The following RAD54L2 variants were observed in gnomAD, a reference collection of about 807,000 sequenced individuals.
The protein encoded by RAD54L2 is RAD54 like 2.
In RAD54L2, 27 loss-of-function variants were observed where a neutral mutation model predicts 138.4. That is an observed-to-expected ratio of 0.20 (90% CI 0.14 to 0.27). The LOEUF is 0.27. Among genes scored for constraint, RAD54L2 ranks in the 10% least tolerant of loss-of-function variants. The pLI is 1.00. For missense variants in RAD54L2, 1,396 were observed against 1,890.2 expected, an observed-to-expected ratio of 0.74 and a Z score of 4.85; for synonymous variants, 644 against 723.2, an observed-to-expected ratio of 0.89 and a Z score of 1.76.
chr3:51,577,053 C>G (rs1699496369), intron 2 of RAD54L2, among the ~76,000 whole-genome samples: 1 of 152,182 alleles, frequency 6.6e-6, no homozygotes, highest in South Asian at 2.1e-4. Flanking sequence ...TGTCTTTGCT[C>G]TCATTGGTTT....
Position 51,638,444 on chromosome 3 carries a change from C to T in RAD54L2, c.1860+123C>T, listed in dbSNP as rs1701044787. On this transcript the variant is annotated intron_variant, in intron 12 of 22. Coordinates refer to ENST00000684192, the MANE Select transcript of RAD54L2 (RefSeq NM_015106.4). The surrounding 1 kb of genome is among the most constrained non-coding windows in gnomAD (Gnocchi z 4.3). ...AAAGTGAGAGGGGGCCACCTCAGTT[C>T]ACTGCACTGGAGGTTTGGGGGCTCC... 8.5e-7 allele frequency: 1 copy of T among 1,177,930 alleles called. No homozygotes were observed. The highest frequency in any genetic ancestry group is 1.2e-6 in the Non-Finnish European group (1 of 835,164). 73.0% of individuals were successfully genotyped at this position (1,177,930 alleles called of 1,614,324 possible).
chr3:51,650,057 C>G (rs888996541), intron 19 of RAD54L2, among the ~76,000 whole-genome samples: 3 of 148,280 alleles, frequency 2.0e-5, no homozygotes, highest in African/African-American at 7.3e-5. Context: ...CGTGCAGAGA[C>G]ACACAGAAGC....
chr3:51,608,494 G>A (rs2106752667), intron 3 of RAD54L2, among the ~76,000 whole-genome samples: 1 of 152,326 alleles, frequency 6.6e-6, no homozygotes, highest in East Asian at 1.9e-4. Flanking sequence ...GGTGGAGGTT[G>A]TAGCGAGCGG....
intron 2 of RAD54L2, among the ~76,000 whole-genome samples, chr3:51,554,006 C>G (rs1356523485): frequency 6.6e-6 from 1 of 152,162 alleles, no homozygotes; most frequent in African/African-American, 2.4e-5. Context: ...TGGGTCTTGC[C>G]TAGACATTGA....
At chr3:51,562,146 G>T (rs1319023151) in intron 2 of RAD54L2, among the ~76,000 whole-genome samples, 1 of 145,082 alleles carries the variant, frequency 6.9e-6, no homozygotes. Context: ...AGCGATTATC[G>T]TGCCTCAGCC....
At chr3:51,644,417 C>T (rs1701218829) in intron 16 of RAD54L2, among the ~76,000 whole-genome samples, 1 of 152,112 alleles carries the variant, frequency 6.6e-6, no homozygotes, top group Non-Finnish European at 1.5e-5. Flanking sequence ...TGCAATCCAG[C>T]CTAAGCGACA....
At chr3:51,618,105 C>T (rs1010538040) in intron 3 of RAD54L2, among the ~76,000 whole-genome samples, 1 of 150,738 alleles carries the variant, frequency 6.6e-6, no homozygotes, top group Non-Finnish European at 1.5e-5. Context: ...ACTACAGGCA[C>T]GTGCCACCAT....
At chr3:51,560,452 T>C (rs890233317) in intron 2 of RAD54L2, among the ~76,000 whole-genome samples, 2 of 151,542 alleles carry the variant, frequency 1.3e-5, no homozygotes, top group Admixed American at 6.6e-5. Flanking sequence ...CTCCGCCTCC[T>C]GGGATCACGC....
chr3:51,648,401 T>G (rs1285693066), intron 19 of RAD54L2, among the ~76,000 whole-genome samples: 3 of 152,242 alleles, frequency 2.0e-5, no homozygotes, highest in Non-Finnish European at 2.9e-5. Context: ...CAGAAACTTC[T>G]GCAGACTTAA....
rs183133871 is a variant in RAD54L2 at position 51,613,183 on chromosome 3, C to G, written c.140-14370C>G. On this transcript the variant is annotated intron_variant, in intron 3 of 22. Coordinates refer to ENST00000684192, the MANE Select transcript of RAD54L2 (RefSeq NM_015106.4). Reference sequence around the variant, plus strand: ...TCTCCATCTGACCTTGTGATCCACCCGCCTCGGCCTCCCAAAATGCTGGGA... The same window carrying G: ...TCTCCATCTGACCTTGTGATCCACCGGCCTCGGCCTCCCAAAATGCTGGGA... 3.3e-3 allele frequency among the ~76,000 whole-genome samples: 502 copies of G among 152,116 alleles called. 7 individuals carry two copies. The highest frequency in any genetic ancestry group is 0.011 in the African/African-American group (454 of 41,508).
chr3:51,541,585 G>A lies in RAD54L2; in HGVS notation c.-116-4G>A, dbSNP rs1387031604. 1 of 152,240 alleles carries A rather than the reference G, an allele frequency of 6.6e-6. No homozygotes were observed. Among genetic ancestry groups the A allele is most frequent in the East Asian group, 1.9e-4 (1 of 5,196 alleles). 9.4% of individuals were successfully genotyped at this position (152,240 alleles called of 1,614,324 possible). ...ATCCCCTATGTCTGGTTCACTGTAT[G>A]TAGGCTGGGAGTGTCTGCTGATCAC... is the stretch of plus-strand genomic sequence containing the variant. On this transcript the variant is annotated splice_region_variant and splice_polypyrimidine_tract_variant and intron_variant, in intron 1 of 22. Transcript: ENST00000684192.
Position 51,645,343 on chromosome 3 carries a change from A to G in RAD54L2, c.2656+114A>G. 8.7e-7 allele frequency: 1 copy of G among 1,145,558 alleles called. No individual in the cohort carries two copies. Among genetic ancestry groups the G allele is most frequent in the Non-Finnish European group, 1.2e-6 (1 of 801,332 alleles). 71.0% of individuals were successfully genotyped at this position (1,145,558 alleles called of 1,614,324 possible). On this transcript the variant is annotated intron_variant, in intron 17 of 22. Transcript: ENST00000684192. The surrounding 1 kb of genome is among the most constrained non-coding windows in gnomAD (Gnocchi z 6.1). ...AACACAGGCAGGCTTCGAGAAAGCC[A>G]GCATTTCCTCCTATCTCATTCTGAT... is the stretch of plus-strand genomic sequence containing the variant.
At chr3:51,607,963 G>A (rs9846029) in intron 3 of RAD54L2, among the ~76,000 whole-genome samples, 111,554 of 148,034 alleles carry the variant, frequency 0.75, 42,966 homozygotes, top group Middle Eastern at 0.84. Flanking sequence ...TGGCTGGCCG[G>A]GTGGGGGCTG....
chr3:51,589,197 A>G (rs1227390862), intron 2 of RAD54L2, among the ~76,000 whole-genome samples: 1 of 152,174 alleles, frequency 6.6e-6, no homozygotes, highest in African/African-American at 2.4e-5. Flanking sequence ...ACTGAACATC[A>G]TAATTTGGGC....
chr3:51,612,691 TAAAA>T (rs11299726), intron 3 of RAD54L2, among the ~76,000 whole-genome samples: 5 of 141,786 alleles, frequency 3.5e-5, no homozygotes, highest in Admixed American at 7.0e-5. Context: ...GTCTTTGTTG[TAAAA>T]AAAAAAAAAA....
intron 14 of RAD54L2, among the ~76,000 whole-genome samples, chr3:51,640,734 G>T (rs1701112190): frequency 6.6e-6 from 1 of 152,212 alleles, no homozygotes; most frequent in Non-Finnish European, 1.5e-5. Context: ...TGGTATCTTG[G>T]AAGCAGTCGA....
At chr3:51,609,588 C>T (rs923324109) in intron 3 of RAD54L2, among the ~76,000 whole-genome samples, 2 of 152,116 alleles carry the variant, frequency 1.3e-5, no homozygotes, top group East Asian at 1.9e-4. Flanking sequence ...ATTTCTTTGC[C>T]TCTTGTGCTT....
chr3:51,634,358 A>ATTTTT (rs61565460), intron 9 of RAD54L2, among the ~76,000 whole-genome samples: 13 of 94,966 alleles, frequency 1.4e-4, no homozygotes, highest in South Asian at 7.4e-4. Context: ...CCACTGTCTG[A>ATTTTT]TTTTTTTTTT....
chr3:51,656,134 G>T lies in RAD54L2; in HGVS notation c.3190G>T (p.Ala1064Ser). 6.2e-7 allele frequency: 1 copy of T among 1,613,560 alleles called. No individual in the cohort carries two copies. Among genetic ancestry groups the T allele is most frequent in the South Asian group, 1.1e-5 (1 of 91,046 alleles). Residue 1064 changes from alanine (A) to serine (S), a missense_variant, in exon 20 of 23, where the codon GCA becomes TCA. Physicochemically the swap from Ala to Ser is moderately conservative, Grantham distance 99. Coordinates refer to ENST00000684192, the MANE Select transcript of RAD54L2 (RefSeq NM_015106.4). Reference sequence around the variant, plus strand: ...CTTTCCCATCAACTACTTGCAGCGTGCAGGAGTCCTTGTGCAGAAGGTGGT... The same window carrying T: ...CTTTCCCATCAACTACTTGCAGCGTTCAGGAGTCCTTGTGCAGAAGGTGGT... ...MNFPINYLQR[A>S]GVLVQKVVTT...
Sources: gnomAD v4.1 joint callset for allele counts (sites outside exome capture counted in the v4.1 genomes callset) on GRCh38, gnomAD v4.1.1 for gene constraint, Gnocchi (gnomAD v3.1) non-coding constraint, MANE v1.5 for transcripts, NCBI Gene and HGNC (gene_info 2026-07-23, HGNC 2026-07-21) for gene names.